Variants in EPHX2 observed in about 807,000 individuals in gnomAD.
EPHX2 encodes epoxide hydrolase 2.
In EPHX2, 74 loss-of-function variants were observed where a neutral mutation model predicts 78.7. The ratio of observed to expected loss-of-function variants is 0.94; its 90% CI spans 0.78 to 1.14. The LOEUF is 1.14. Among genes scored for constraint, EPHX2 ranks in the 50% most tolerant of loss-of-function variants. The pLI, the probability that EPHX2 is intolerant of heterozygous loss-of-function variation, is 0.00. For synonymous variants in EPHX2, 251 were observed against 255.2 expected (o/e 0.98, Z 0.16); for missense variants, 715 against 702.5 (o/e 1.02, Z -0.20).
chr8:27,512,021 C>A, intron 6 of EPHX2, 111 bp downstream of exon 6: 2 of 1,088,216 alleles, frequency 1.8e-6, no homozygotes, highest in Non-Finnish European at 2.8e-6. Context: ...GAACCTGAGC[C>A]TGGGAAGTGG....
At chr8:27,538,840 GCT>G in intron 14 of EPHX2, 148 bp downstream of exon 14, 1 of 807,256 alleles carries the variant, frequency 1.2e-6, no homozygotes, top group Non-Finnish European at 2.1e-6. Context: ...CATGCATAGG[GCT>G]GACTCTAACC....
At chr8:27,507,366 G>C (rs1026532027) in intron 5 of EPHX2, among the ~76,000 whole-genome samples, 6 of 152,094 alleles carry the variant, frequency 3.9e-5, no homozygotes, top group African/African-American at 1.4e-4. Context: ...TGGCACTCAG[G>C]TGCAGCCCTT....
chr8:27,492,635 G>A (rs1042595302), intron 1 of EPHX2, among the ~76,000 whole-genome samples: 3 of 152,220 alleles, frequency 2.0e-5, no homozygotes, highest in Admixed American at 2.0e-4. Context: ...GGGGACCCCA[G>A]CAGGTTGCCG....
At chr8:27,504,875 A>G (rs552874167) in intron 3 of EPHX2, 81 bp from the exon 4 acceptor site, 1 of 1,458,204 alleles carries the variant, frequency 6.9e-7, no homozygotes, top group African/African-American at 1.4e-5. Flanking sequence ...TTGGCCCATC[A>G]TTGGAGTCCC....
intron 1 of EPHX2, 95 bp from the exon 2 acceptor site, chr8:27,500,831 G>T (rs1813737762): frequency 6.1e-6 from 7 of 1,145,756 alleles, no homozygotes; most frequent in Non-Finnish European, 8.9e-6. Context: ...TCCCTTTCTA[G>T]TGGCTGCTTC....
downstream of EPHX2, among the ~76,000 whole-genome samples, chr8:27,547,498 G>A (rs554716414): frequency 6.6e-6 from 1 of 152,214 alleles, no homozygotes; most frequent in Non-Finnish European, 1.5e-5. Context: ...TACATATAAT[G>A]TGTAGCAATC....
chr8:27,515,285 G>A (rs776813114), intron 6 of EPHX2, among the ~76,000 whole-genome samples: 3 of 152,262 alleles, frequency 2.0e-5, no homozygotes, highest in Non-Finnish European at 4.4e-5. Flanking sequence ...CAAGAACCCC[G>A]TCTTCAGCTG....
chr8:27,505,075 G>C lies in EPHX2; in HGVS notation c.466G>C (p.Val156Leu), dbSNP rs200543697. The change falls in exon 4 of 19, where the codon GTG becomes CTG. Residue 156 changes from valine (V) to leucine (L), a missense_variant. Physicochemically the swap from Val to Leu is conservative, Grantham distance 32. Transcript: ENST00000521400. Reference protein sequence around the residue: ...HFDFLIESCQVGMVKPEPQIY... With the variant: ...HFDFLIESCQLGMVKPEPQIY... ...TGACTTCCTGATAGAGTCGTGTCAG[G>C]TGGGAATGGTCAAACCTGAACCTCA... 4.3e-6 allele frequency: 7 copies of C among 1,614,106 alleles called. No homozygotes were observed. Among genetic ancestry groups the C allele is most frequent in the Non-Finnish European group, 5.9e-6 (7 of 1,180,036 alleles).
intron 2 of EPHX2, 52 bp from the exon 3 acceptor site, chr8:27,503,552 C>G: frequency 6.5e-7 from 1 of 1,548,958 alleles, no homozygotes; most frequent in South Asian, 1.2e-5. Context: ...TAGACCCTGC[C>G]AGAGCTTTTC....
At chr8:27,505,276 C>T in intron 4 of EPHX2, 130 bp downstream of exon 4, 1 of 843,896 alleles carries the variant, frequency 1.2e-6, no homozygotes, top group Non-Finnish European at 1.9e-6. Context: ...TCTCCCAGAC[C>T]ACGTCTTCTC....
chr8:27,505,278 C>T lies in EPHX2; in HGVS notation c.537+132C>T, dbSNP rs948488019. ...CTCTGAGTCCACTTCTCCCAGACCACGTCTTCTCCTAGAAGACTGTTACCC... is the reference window on the plus strand; with the variant it reads ...CTCTGAGTCCACTTCTCCCAGACCATGTCTTCTCCTAGAAGACTGTTACCC... On this transcript the variant is annotated intron_variant, in intron 4 of 18. Transcript: ENST00000521400. The T allele has an allele frequency of 7.2e-6, 6 of 834,862 alleles. No individual in the cohort carries two copies. The East Asian group carries it at 1.1e-4, about 15-fold the overall frequency. The allele number at this position is 834,862 out of a possible 1,614,324, so 51.7% of individuals were successfully genotyped here.
At chr8:27,517,906 AT>A (rs1814516305) in intron 8 of EPHX2, 131 bp from the exon 9 acceptor site, 1 of 701,264 alleles carries the variant, frequency 1.4e-6, no homozygotes, top group Non-Finnish European at 2.4e-6. Context: ...CAGTCTAAGG[AT>A]TTAGTAAGTT....
intron 11 of EPHX2, among the ~76,000 whole-genome samples, chr8:27,523,059 G>A (rs906080926): frequency 2.6e-5 from 4 of 151,872 alleles, no homozygotes; most frequent in South Asian, 4.2e-4. Flanking sequence ...ATAATTCAGG[G>A]CCCGAGTGGC....
rs747113190 is a variant in EPHX2 at position 27,541,523 on chromosome 8, G to A, written c.1430G>A (p.Cys477Tyr). ...ATGGAAAGGAACTGGAAGTGGGCTT[G>A]CAAAAGCTTGGGACGGAAGGTGAGT... The part of the protein sequence containing the change: ...RNMERNWKWA[C>Y]KSLGRKILIP... The change falls in exon 16 of 19, where the codon TGC becomes TAC. Residue 477 changes from cysteine (C) to tyrosine (Y), a missense_variant. Coordinates refer to ENST00000521400, the MANE Select transcript of EPHX2 (RefSeq NM_001979.6). 1 of 1,614,236 alleles carries A rather than the reference G, an allele frequency of 6.2e-7. No homozygotes were observed. The highest frequency in any genetic ancestry group is 8.5e-7 in the Non-Finnish European group (1 of 1,180,032).
chr8:27,530,224 G>C (rs1316792829), intron 12 of EPHX2, among the ~76,000 whole-genome samples: 1 of 152,126 alleles, frequency 6.6e-6, no homozygotes, highest in Admixed American at 6.6e-5. Flanking sequence ...GAACACAGTA[G>C]CTCCTTCAGG....
At chr8:27,499,846 C>T (rs931195003) in intron 1 of EPHX2, among the ~76,000 whole-genome samples, 1 of 152,100 alleles carries the variant, frequency 6.6e-6, no homozygotes, top group African/African-American at 2.4e-5. Context: ...CAGTGTTCTC[C>T]CTGTGTCCTC....
chr8:27,543,699 G>T (rs758781131), intron 16 of EPHX2, 50 bp from the exon 17 acceptor site: 1 of 1,595,548 alleles, frequency 6.3e-7, no homozygotes. Context: ...GAGGAGGGAG[G>T]GCTTCCTTTG....
At chr8:27,547,145 G>T (rs1440561166), downstream of EPHX2, among the ~76,000 whole-genome samples, 8 of 152,200 alleles carry the variant, frequency 5.3e-5, no homozygotes, top group Non-Finnish European at 8.8e-5. Flanking sequence ...ATTACAATTT[G>T]ACGTGAGATT....
rs1563349782 is a variant in EPHX2 at position 27,516,339 on chromosome 8, C to T, written c.851C>T (p.Ala284Val). 1 of 1,613,880 alleles carries T rather than the reference C, an allele frequency of 6.2e-7. No individual in the cohort carries two copies. Among genetic ancestry groups the T allele is most frequent in the Non-Finnish European group, 8.5e-7 (1 of 1,179,968 alleles). ...WRYQIPALAQ[A>V]GYRVLAMDMK... is the part of the protein sequence containing the mutation. ...TTCTAGATCCCTGCTCTGGCCCAGG[C>T]AGGTTACCGGGTCCTAGCTATGGAC... is the stretch of plus-strand genomic sequence containing the variant. Residue 284 changes from alanine (A) to valine (V), a missense_variant, in exon 8 of 19, where the codon GCA (alanine) becomes GTA (valine). Transcript: ENST00000521400.
Sources: allele counts gnomAD v4.1 joint callset (sites outside exome capture counted in the v4.1 genomes callset), GRCh38; gene constraint gnomAD v4.1.1; transcripts MANE v1.5; gene names NCBI Gene and HGNC (gene_info 2026-07-23, HGNC 2026-07-21).